MAPK4: variants seen among roughly 807,000 people sequenced by gnomAD.
The protein encoded by MAPK4 is Erk3-related.
MAPK4 carries 22 observed loss-of-function variants against 47.7 expected under a neutral mutation model. The ratio of observed to expected loss-of-function variants is 0.46; its 90% confidence interval spans 0.33 to 0.66. The LOEUF (loss-of-function observed/expected upper bound fraction) is 0.66. MAPK4 is among the 30% of genes least tolerant of loss of function. The probability of loss-of-function intolerance (pLI) is 0.02; values close to 1 mark genes in which losing one functional copy is unlikely to be tolerated. For synonymous variants in MAPK4, 390 were observed against 365.7 expected, an observed-to-expected ratio of 1.07 and a Z score of -0.76; for missense variants, 736 against 831.7, an observed-to-expected ratio of 0.88 and a Z score of 1.42.
intron 1 of MAPK4, among the ~76,000 whole-genome samples, chr18:50,567,241 AC>A (rs1225190835): frequency 6.6e-6 from 1 of 150,636 alleles, no homozygotes; most frequent in Non-Finnish European, 1.5e-5. Flanking sequence ...CCCTCCCCTA[AC>A]CCCCACTCCC....
chr18:50,642,014 C>T (rs2042945350), intron 1 of MAPK4, among the ~76,000 whole-genome samples: 1 of 152,176 alleles, frequency 6.6e-6, no homozygotes, highest in South Asian at 2.1e-4. Flanking sequence ...TACATTTTTA[C>T]ATGTAAAACA....
At chr18:50,630,000 A>G (rs2042814559) in intron 1 of MAPK4, 1 of 152,200 alleles carries the variant, frequency 6.6e-6, no homozygotes, top group Non-Finnish European at 1.5e-5. Context: ...TTTAATGAAC[A>G]TTAGCTTTAG....
At chr18:50,657,926 G>A (rs181209954) in intron 1 of MAPK4, among the ~76,000 whole-genome samples, 7 of 152,148 alleles carry the variant, frequency 4.6e-5, no homozygotes, top group East Asian at 1.9e-4. Flanking sequence ...AAGCAGGAAC[G>A]TTTCCTGGGT....
chr18:50,586,151 G>A (rs1423987416), intron 1 of MAPK4, among the ~76,000 whole-genome samples: 1 of 152,172 alleles, frequency 6.6e-6, no homozygotes, highest in African/African-American at 2.4e-5. Context: ...TATTTACAAT[G>A]TTTGCACAAA....
At position 50,729,452 on chromosome 18, in the gene MAPK4, C is replaced by G. The variant is rs1911409645; in HGVS notation, c.1362C>G (p.Pro454=). 1 of 1,525,308 alleles carries G rather than the reference C, an allele frequency of 6.6e-7. No individual in the cohort carries two copies. Among genetic ancestry groups the G allele is most frequent in the Non-Finnish European group, 8.8e-7 (1 of 1,131,172 alleles). The allele number at this position is 1,525,308 out of a possible 1,614,324, so 94.5% of individuals were successfully genotyped here. Residue 454 remains proline (P), a synonymous_variant, in exon 6 of 6, where the codon CCC becomes CCG. Transcript: ENST00000400384. ...ACAAGCCGCACCACTACTCGGAGCC[C>G]AAGCTCATCCTGGACCTGTCGCACT... ...RDNKPHHYSE[P]KLILDLSHWK...
At chr18:50,602,586 A>G (rs2042550014) in intron 1 of MAPK4, among the ~76,000 whole-genome samples, 1 of 152,230 alleles carries the variant, frequency 6.6e-6, no homozygotes, top group African/African-American at 2.4e-5. Flanking sequence ...AGCATTTGAA[A>G]TATCCTAATC....
intron 2 of MAPK4, among the ~76,000 whole-genome samples, chr18:50,681,762 C>T (rs534338189): frequency 6.6e-5 from 10 of 152,202 alleles, no homozygotes; most frequent in African/African-American, 2.4e-4. Context: ...TTTTTTGTTG[C>T]TGTATATATC....
At position 50,722,113 on chromosome 18, in the gene MAPK4, G is replaced by A. The variant is rs111581356; in HGVS notation, c.853+14G>A. 6.9e-4 allele frequency: 1,107 copies of A among 1,606,778 alleles called. 6 individuals carry two copies. The African/African-American group carries it at 9.0e-3, about 13-fold the overall frequency. On this transcript the variant is annotated intron_variant, in intron 4 of 5. Transcript: ENST00000400384. ...TGAACAGTGAAGGTACCTGAGCCTG[G>A]CAGCCAGGCCAAGTGTCCTGGGAGG... is the stretch of plus-strand genomic sequence containing the variant.
intron 1 of MAPK4, among the ~76,000 whole-genome samples, chr18:50,636,198 T>C (rs2042886429): frequency 6.6e-6 from 1 of 152,186 alleles, no homozygotes; most frequent in Non-Finnish European, 1.5e-5. Context: ...CCTTCTCAGG[T>C]CCTGGCCCCA....
chr18:50,730,559 C>T lies in MAPK4; in HGVS notation c.*705C>T, dbSNP rs531201225. 14 of 152,774 alleles carry T rather than the reference C, an allele frequency of 9.2e-5. No individual in the cohort carries two copies. The highest frequency in any genetic ancestry group is 9.2e-4 in the Admixed American group (14 of 15,286). 9.5% of individuals were successfully genotyped at this position (152,774 alleles called of 1,614,324 possible). ...TACTTAAATGTTCTCATCTGTCGCA[C>T]CCCTGTATTTGCCTCACCCCTGCAT... On this transcript the variant is annotated 3_prime_UTR_variant, in exon 6 of 6. Transcript: ENST00000400384.
intron 1 of MAPK4, among the ~76,000 whole-genome samples, chr18:50,644,281 A>C (rs1257315768): frequency 6.6e-6 from 1 of 151,914 alleles, no homozygotes; most frequent in Non-Finnish European, 1.5e-5. Context: ...GAGACAGAAG[A>C]GCAGCTGACA....
chr18:50,618,508 T>C (rs1375231298), intron 1 of MAPK4, among the ~76,000 whole-genome samples: 1 of 152,216 alleles, frequency 6.6e-6, no homozygotes, highest in Non-Finnish European at 1.5e-5. Context: ...TAAAAATGTA[T>C]ATATAAAATC....
chr18:50,694,310 C>CT (rs1186996116), intron 2 of MAPK4, among the ~76,000 whole-genome samples: 1 of 152,140 alleles, frequency 6.6e-6, no homozygotes, highest in Non-Finnish European at 1.5e-5. Context: ...CTCAGGCCAC[C>CT]CAGGGCCATT....
intron 1 of MAPK4, among the ~76,000 whole-genome samples, chr18:50,642,489 G>A (rs2042949365): frequency 6.6e-6 from 1 of 152,144 alleles, no homozygotes; most frequent in Non-Finnish European, 1.5e-5. Context: ...CCCCAATATA[G>A]TTAGTGAAGA....
chr18:50,576,210 C>T (rs1041761994), intron 1 of MAPK4, among the ~76,000 whole-genome samples: 2 of 152,074 alleles, frequency 1.3e-5, no homozygotes, highest in East Asian at 1.9e-4. Context: ...CATCGCAGTA[C>T]TATTCACAAT....
intron 2 of MAPK4, among the ~76,000 whole-genome samples, chr18:50,672,119 A>G (rs1045066419): frequency 1.3e-5 from 2 of 152,152 alleles, no homozygotes; most frequent in Non-Finnish European, 2.9e-5. Flanking sequence ...GTTTATATTC[A>G]GGTCTCCATA....
intron 1 of MAPK4, among the ~76,000 whole-genome samples, chr18:50,616,392 T>A (rs920167024): frequency 6.6e-6 from 1 of 152,206 alleles, no homozygotes; most frequent in African/African-American, 2.4e-5. Flanking sequence ...GTCATTGTTA[T>A]TTACTTCTCA....
chr18:50,703,452 AC>A lies in MAPK4; in HGVS notation c.547-11625del, dbSNP rs1469862034. Among the ~76,000 whole-genome samples, 3 of 152,296 alleles carry A rather than the reference AC, an allele frequency of 2.0e-5. No individual in the cohort carries two copies. In the East Asian group the frequency reaches 5.8e-4, roughly 29 times the overall value. The stretch of plus-strand genomic sequence containing the variant: ...TCTTCTGTCTGCAGGCACCAGGCAC[AC>A]CAAGAGGTCCCAGCACTCAGGGGCT... On this transcript the variant is annotated intron_variant, in intron 2 of 5. Coordinates refer to ENST00000400384, the MANE Select transcript of MAPK4 (RefSeq NM_002747.4).
intron 2 of MAPK4, among the ~76,000 whole-genome samples, chr18:50,681,114 A>G (rs1313563997): frequency 1.3e-5 from 2 of 152,064 alleles, no homozygotes; most frequent in Non-Finnish European, 2.9e-5. Context: ...GTGGATGTGA[A>G]GTGGTGTTTC....
Sources: gnomAD v4.1 joint callset for allele counts (sites outside exome capture counted in the v4.1 genomes callset) on GRCh38, gnomAD v4.1.1 for gene constraint, MANE v1.5 for transcripts, NCBI Gene and HGNC (gene_info 2026-07-23, HGNC 2026-07-21) for gene names.